RBFOX1: variants seen among roughly 807,000 people sequenced by gnomAD.
The protein encoded by RBFOX1 is RNA binding protein fox-1 homolog 1.
In RBFOX1, 8 loss-of-function variants were observed where a neutral mutation model predicts 57.7. That is an observed-to-expected ratio of 0.14 (90% CI 0.08 to 0.25). The LOEUF (loss-of-function observed/expected upper bound fraction) is 0.25, where lower values mean the gene tolerates loss of function less well. Among genes scored for constraint, RBFOX1 ranks in the 10% least tolerant of loss-of-function variants. The probability of loss-of-function intolerance (pLI) is 1.00; values close to 1 mark genes in which losing one functional copy is unlikely to be tolerated. For missense variants in RBFOX1, 611 were observed against 548.5 expected (o/e 1.11, Z -1.14); for synonymous variants, 326 against 222.4 (o/e 1.47, Z -4.15).
intron 3 of RBFOX1, among the ~76,000 whole-genome samples, chr16:6,676,677 T>TC (rs998229921): frequency 9.0e-5 from 13 of 144,116 alleles, no homozygotes; most frequent in African/African-American, 2.8e-4. Context: ...TCTTTTCTTT[T>TC]TTTTTTTTTT....
intron 3 of RBFOX1, among the ~76,000 whole-genome samples, chr16:6,963,502 T>C (rs1396828917): frequency 2.0e-5 from 3 of 152,092 alleles, no homozygotes; most frequent in Non-Finnish European, 4.4e-5. Flanking sequence ...TGTTAGAGGA[T>C]CTGATTTGTT....
chr16:5,588,045 T>C (rs2046890428), intron 2 of RBFOX1, among the ~76,000 whole-genome samples: 2 of 152,372 alleles, frequency 1.3e-5, no homozygotes, highest in South Asian at 4.1e-4. Context: ...CCTGCATCCC[T>C]GATGCCTGCT....
intron 2 of RBFOX1, among the ~76,000 whole-genome samples, chr16:6,521,593 T>A (rs1424625828): frequency 1.3e-5 from 2 of 151,694 alleles, no homozygotes; most frequent in East Asian, 3.9e-4. Flanking sequence ...CTTTTTTCCT[T>A]AAAACACCAG....
intron 2 of RBFOX1, among the ~76,000 whole-genome samples, chr16:6,610,047 A>AAAAC (rs2098020646): frequency 1.9e-5 from 2 of 104,846 alleles, no homozygotes; most frequent in East Asian, 2.8e-4. Flanking sequence ...CAAAACAAAA[A>AAAAC]CCCACTAACA....
chr16:5,520,312 C>G (rs2043964337), intron 2 of RBFOX1, among the ~76,000 whole-genome samples: 1 of 152,186 alleles, frequency 6.6e-6, no homozygotes, highest in African/African-American at 2.4e-5. Context: ...GGAATCTCAG[C>G]TTGAAATGGC....
rs1484529098 is a variant in RBFOX1 at position 6,351,374 on chromosome 16, T to TATATA, written c.-64+34317_-64+34318insATATA. 8.1e-4 allele frequency among the ~76,000 whole-genome samples: 41 copies of TATATA among 50,648 alleles called. No individual in the cohort carries two copies. The East Asian group carries it at 0.011, about 14-fold the overall frequency. 33.2% of individuals were successfully genotyped at this position (50,648 alleles called of 152,430 possible). On this transcript the variant is annotated intron_variant, in intron 2 of 15. Coordinates refer to ENST00000550418, the MANE Select transcript of RBFOX1 (RefSeq NM_018723.4). ...TGTGTATATATATATATATATATAT[T>TATATA]TTTTTTTTTTTTTCTTGAGGCAGAG...
chr16:7,323,021 C>A lies in RBFOX1; in HGVS notation c.28-195126C>A, dbSNP rs756681753. Among the ~76,000 whole-genome samples the A allele has an allele frequency of 1.8e-4, 27 of 152,162 alleles. 1 individual carries two copies. The highest frequency in any genetic ancestry group is 2.8e-4 in the Non-Finnish European group (19 of 68,044). On this transcript the variant is annotated intron_variant, in intron 4 of 15. Transcript: ENST00000550418. ...CCATCAAAGTCTTCTCCTCCTCTCT[C>A]TGCTCTTTGGATTTGTATTCCTTTA...
intron 2 of RBFOX1, among the ~76,000 whole-genome samples, chr16:5,583,062 C>T (rs2046725108): frequency 6.6e-6 from 1 of 152,184 alleles, no homozygotes; most frequent in African/African-American, 2.4e-5. Context: ...TGCCCAAGTT[C>T]ACACAGCTAG....
intron 4 of RBFOX1, among the ~76,000 whole-genome samples, chr16:7,294,369 G>A (rs2095850821): frequency 6.6e-6 from 1 of 152,078 alleles, no homozygotes; most frequent in Non-Finnish European, 1.5e-5. Flanking sequence ...TATAGGAACT[G>A]AAGTTACTTG....
intron 1 of RBFOX1, among the ~76,000 whole-genome samples, chr16:6,221,167 T>G (rs2097370878): frequency 6.6e-6 from 1 of 152,222 alleles, no homozygotes; most frequent in South Asian, 2.1e-4. Context: ...GTACTTTACA[T>G]GTATTTCCAA....
At chr16:7,501,254 C>T (rs2151828852) in intron 4 of RBFOX1, among the ~76,000 whole-genome samples, 1 of 152,336 alleles carries the variant, frequency 6.6e-6, no homozygotes, top group Admixed American at 6.5e-5. Context: ...CTATTTCAAG[C>T]ACTAGAGTTA....
chr16:7,435,669 G>T (rs2098715926), intron 4 of RBFOX1, among the ~76,000 whole-genome samples: 1 of 152,174 alleles, frequency 6.6e-6, no homozygotes, highest in Non-Finnish European at 1.5e-5. Flanking sequence ...TCACTACCAG[G>T]AACATTGCCT....
At chr16:7,606,269 C>G (rs1258218085) in intron 9 of RBFOX1, among the ~76,000 whole-genome samples, 1 of 151,814 alleles carries the variant, frequency 6.6e-6, no homozygotes, top group East Asian at 1.9e-4. Context: ...TTACAGGTGC[C>G]CACTATGATG....
chr16:6,730,242 G>C (rs1251825613), intron 3 of RBFOX1, among the ~76,000 whole-genome samples: 2 of 152,098 alleles, frequency 1.3e-5, no homozygotes. Flanking sequence ...TTCATATAGG[G>C]AGATGGTAGA....
chr16:6,214,720 G>A (rs1281310050), intron 1 of RBFOX1, among the ~76,000 whole-genome samples: 1 of 119,826 alleles, frequency 8.3e-6, no homozygotes, highest in Non-Finnish European at 1.7e-5. Flanking sequence ...AGAGGGAGAA[G>A]GAGAGAGGGA....
intron 3 of RBFOX1, among the ~76,000 whole-genome samples, chr16:6,997,166 A>G (rs767931711): frequency 2.6e-5 from 4 of 152,270 alleles, no homozygotes; most frequent in African/African-American, 9.6e-5. Context: ...CTGAAATTAA[A>G]TAGAGAATTA....
chr16:5,926,110 T>C (rs1204036764), intron 4 of RBFOX1, among the ~76,000 whole-genome samples: 1 of 152,192 alleles, frequency 6.6e-6, no homozygotes, highest in Admixed American at 6.5e-5. Context: ...TATCAGGCCA[T>C]TCAAAGACAT....
intron 2 of RBFOX1, among the ~76,000 whole-genome samples, chr16:5,574,429 T>TC (rs1187960299): frequency 3.5e-4 from 53 of 151,770 alleles, no homozygotes; most frequent in Non-Finnish European, 2.9e-5. Flanking sequence ...TTTTTTCTTT[T>TC]TTTTTTTTAA....
intron 3 of RBFOX1, among the ~76,000 whole-genome samples, chr16:6,665,339 C>A (rs2098725203): frequency 6.6e-6 from 1 of 152,170 alleles, no homozygotes; most frequent in African/African-American, 2.4e-5. Flanking sequence ...GGGGGCTGGG[C>A]ACGGTGGCTC....
Sources: gnomAD v4.1 joint callset for allele counts (sites outside exome capture counted in the v4.1 genomes callset) on GRCh38, gnomAD v4.1.1 for gene constraint, MANE v1.5 for transcripts, NCBI Gene and HGNC (gene_info 2026-07-23, HGNC 2026-07-21) for gene names.